SBNO1: variants seen among roughly 807,000 people sequenced by gnomAD.
The protein encoded by SBNO1 is protein strawberry notch homolog 1.
In SBNO1, 23 loss-of-function variants were observed where a neutral mutation model predicts 173.6. The observed-to-expected ratio is 0.13, with a 90% CI of 0.10 to 0.19. The LOEUF is 0.19. SBNO1 is among the 10% of genes least tolerant of loss of function. The pLI is 1.00. For missense variants in SBNO1, 1,238 were observed against 1,671.2 expected (o/e 0.74, Z 4.52); for synonymous variants, 632 against 571.5 (o/e 1.11, Z -1.51).
rs59447456 is a variant in SBNO1, at chr12:123,297,400, C to CAAAAAAAAAAAAAA, written c.4039+564_4039+577dup. ...TACAACATCCCAAAATACTGGTGTC[C>CAAAAAAAAAAAAAA]AAAAAAAAAAAAAAAAAAAAAATTC... On this transcript the variant is annotated intron_variant, in intron 31 of 31. Coordinates refer to ENST00000602398, the MANE Select transcript of SBNO1 (RefSeq NM_001167856.3). 6.0e-4 allele frequency among the ~76,000 whole-genome samples: 19 copies of CAAAAAAAAAAAAAA among 31,518 alleles called. 2 individuals are homozygous for CAAAAAAAAAAAAAA. Among genetic ancestry groups the CAAAAAAAAAAAAAA allele is most frequent in the Admixed American group, 2.5e-3 (4 of 1,626 alleles). 20.7% of individuals were successfully genotyped at this position (31,518 alleles called of 152,430 possible).
chr12:123,345,474 T>C lies in SBNO1; in HGVS notation c.334A>G (p.Thr112Ala). Residue 112 changes from threonine to alanine, a missense_variant, in exon 4 of 32, where the codon ACA becomes GCA. By Grantham distance (58) the Thr-to-Ala change is moderately conservative (BLOSUM62 0). Around this residue, in one of 14 missense-constraint regions of SBNO1, gnomAD observed 287 missense variants for 274.1 expected, o/e 1.05. Coordinates refer to ENST00000602398, the MANE Select transcript of SBNO1 (RefSeq NM_001167856.3). ...AAAGTGATGGTTTGCCTGTTGGTTG[T>C]TACAGGTGGTGTTTTAGTCATTACA... ...TIVMTKTPPV[T>A]TNRQTITLTK... is the part of the protein sequence containing the mutation. The C allele has an allele frequency of 1.2e-6, 2 of 1,614,102 alleles. No homozygotes were observed. The highest frequency in any genetic ancestry group is 1.7e-6 in the Non-Finnish European group (2 of 1,179,974).
rs776316531 is a variant in SBNO1 at position 123,313,684 on chromosome 12, G to C, written c.3156C>G (p.Ser1052=). Residue 1052 remains serine, a synonymous_variant, in exon 24 of 32, where the codon TCC becomes TCG. Coordinates refer to ENST00000602398, the MANE Select transcript of SBNO1 (RefSeq NM_001167856.3). ...GRNALEIVMK[S]IVNLDSPMVS... ...CCATAGGAGAATCCAAGTTTACAAT[G>C]GATTTCATGACAATTTCTAAAGCAT... is the stretch of plus-strand genomic sequence containing the variant. 2 of 1,609,858 alleles carry C rather than the reference G, an allele frequency of 1.2e-6. No individual in the cohort carries two copies. Among genetic ancestry groups the C allele is most frequent in the South Asian group, 1.1e-5 (1 of 90,858 alleles).
chr12:123,296,984 C>A (rs1384230587), intron 31 of SBNO1, among the ~76,000 whole-genome samples: 1 of 151,898 alleles, frequency 6.6e-6, no homozygotes, highest in Admixed American at 6.6e-5. Flanking sequence ...AGGTGAACTA[C>A]CATGCCCAGC....
At chr12:123,320,995 A>G in intron 17 of SBNO1, 129 bp from the exon 18 acceptor site, 1 of 697,186 alleles carries the variant, frequency 1.4e-6, no homozygotes. Flanking sequence ...GCTGGAGTGC[A>G]ATGGCGCAAT....
intron 1 of SBNO1, among the ~76,000 whole-genome samples, chr12:123,352,014 T>C (rs1296378939): frequency 1.3e-5 from 2 of 152,082 alleles, no homozygotes; most frequent in Non-Finnish European, 2.9e-5. Context: ...GTAGACAGAT[T>C]TTAGTTTGGA....
chr12:123,321,774 G>A, intron 16 of SBNO1, 42 bp from the exon 17 acceptor site: 14 of 1,500,124 alleles, frequency 9.3e-6, no homozygotes, highest in Non-Finnish European at 1.3e-5. Context: ...CAAATTCAAT[G>A]TTTCTTAAGA....
intron 7 of SBNO1, among the ~76,000 whole-genome samples, chr12:123,333,662 A>C (rs1450722924): frequency 1.3e-5 from 2 of 151,710 alleles, no homozygotes; most frequent in Non-Finnish European, 2.9e-5. Context: ...ACACTCAGCT[A>C]ATTTTTTGTA....
chr12:123,325,824 C>T lies in SBNO1; in HGVS notation c.1876-225G>A, dbSNP rs181830119. 3.9e-5 allele frequency among the ~76,000 whole-genome samples: 6 copies of T among 152,238 alleles called. No homozygotes were observed. In the East Asian group the frequency reaches 1.2e-3, roughly 29 times the overall value. On this transcript the variant is annotated intron_variant, in intron 14 of 31. Transcript: ENST00000602398. ...CAGACAGTAGTAAGCATGAGTGAAGCCCCTGCCCTTGTACAGTTTATAGTA... is the reference window on the plus strand; with the variant it reads ...CAGACAGTAGTAAGCATGAGTGAAGTCCCTGCCCTTGTACAGTTTATAGTA...
At chr12:123,353,196 C>T (rs1185119993) in intron 1 of SBNO1, among the ~76,000 whole-genome samples, 1 of 152,154 alleles carries the variant, frequency 6.6e-6, no homozygotes, top group African/African-American at 2.4e-5. Flanking sequence ...GGAAACAAGC[C>T]TAGCACCGTG....
chr12:123,331,439 A>G, intron 7 of SBNO1, 64 bp from the exon 8 acceptor site: 2 of 1,480,796 alleles, frequency 1.4e-6, no homozygotes, highest in Non-Finnish European at 1.8e-6. Context: ...AATCTTTCAT[A>G]CACTGTTTTA....
chr12:123,326,405 C>T (rs1434729541), intron 13 of SBNO1, 71 bp from the exon 14 acceptor site: 2 of 985,272 alleles, frequency 2.0e-6, no homozygotes, highest in East Asian at 5.2e-5. Context: ...CCAATTAAAT[C>T]AAAACAATGT....
chr12:123,337,893 T>C (rs554618734), intron 5 of SBNO1, among the ~76,000 whole-genome samples: 1 of 152,312 alleles, frequency 6.6e-6, no homozygotes, highest in South Asian at 2.1e-4. Flanking sequence ...CCTATAGTTT[T>C]TTAAAATCAT....
At chr12:123,357,878 G>A (rs1290906897) in intron 1 of SBNO1, among the ~76,000 whole-genome samples, 1 of 152,182 alleles carries the variant, frequency 6.6e-6, no homozygotes, top group African/African-American at 2.4e-5. Context: ...ATTTACAAAG[G>A]AATGTGCAAA....
intron 24 of SBNO1, among the ~76,000 whole-genome samples, chr12:123,313,028 C>T (rs568467262): frequency 1.9e-4 from 29 of 151,842 alleles, no homozygotes; most frequent in African/African-American, 2.7e-4. Context: ...CATGGTGCAA[C>T]GCCGTGTCTA....
chr12:123,334,233 CATTTT>C lies in SBNO1; in HGVS notation c.749-25_749-21del, dbSNP rs1871559924. Reference sequence around the variant, plus strand: ...TTTTTACTAAACAAAAATGTAAAAACATTTTATTTTAATTATTCTAAGTAATAACA... The same window carrying C: ...TTTTTACTAAACAAAAATGTAAAAACATTTTAATTATTCTAAGTAATAACA... On this transcript the variant is annotated intron_variant, in intron 6 of 31. Transcript: ENST00000602398. The C allele has an allele frequency of 3.5e-6, 5 of 1,447,884 alleles. No individual in the cohort carries two copies. Among genetic ancestry groups the C allele is most frequent in the African/African-American group, 1.5e-5 (1 of 68,662 alleles). The allele number at this position is 1,447,884 out of a possible 1,614,324, so 89.7% of individuals were successfully genotyped here. A position where few individuals can be genotyped will look rare whatever the true frequency, so the allele number is the denominator to read the frequency against.
rs895367977 is a variant in SBNO1 at position 123,323,619 on chromosome 12, G to A, written c.2125+61C>T. On this transcript the variant is annotated intron_variant, in intron 16 of 31. Transcript: ENST00000602398. ...TCTGCCCACCTCAGCCTCCCAAAGTGCTGGGATTACAGGTGTGAGCCACCG... is the reference window on the plus strand; with the variant it reads ...TCTGCCCACCTCAGCCTCCCAAAGTACTGGGATTACAGGTGTGAGCCACCG... The A allele has an allele frequency of 1.5e-5, 19 of 1,300,750 alleles. 1 individual carries two copies. The South Asian group carries it at 2.0e-4, about 14-fold the overall frequency. 80.6% of individuals were successfully genotyped at this position (1,300,750 alleles called of 1,614,324 possible).
At chr12:123,342,218 C>T (rs1338009459) in intron 4 of SBNO1, among the ~76,000 whole-genome samples, 2 of 151,692 alleles carry the variant, frequency 1.3e-5, no homozygotes, top group African/African-American at 2.4e-5. Context: ...TCATTGAACT[C>T]CAGCCTGGGC....
chr12:123,336,731 T>C (rs766450902), intron 5 of SBNO1, among the ~76,000 whole-genome samples: 1 of 152,172 alleles, frequency 6.6e-6, no homozygotes, highest in Non-Finnish European at 1.5e-5. Flanking sequence ...AGACTCCACG[T>C]CCTTCCGGCC....
At chr12:123,360,349 G>C (rs1875000251) in intron 1 of SBNO1, among the ~76,000 whole-genome samples, 1 of 152,172 alleles carries the variant, frequency 6.6e-6, no homozygotes, top group Non-Finnish European at 1.5e-5. Flanking sequence ...GACTAGCCCT[G>C]AGTGTTCTCC....
Sources: allele counts gnomAD v4.1 joint callset (sites outside exome capture counted in the v4.1 genomes callset), GRCh38; gene constraint gnomAD v4.1.1; regional missense constraint gnomAD v4.1.1; transcripts MANE v1.5; gene names NCBI Gene and HGNC (gene_info 2026-07-23, HGNC 2026-07-21).